Variants in ARHGEF18 observed in about 807,000 individuals in gnomAD.
ARHGEF18 encodes rho guanine nucleotide exchange factor 18.
ARHGEF18 carries 93 observed loss-of-function variants against 155.7 expected under a neutral mutation model. That is an observed-to-expected ratio of 0.60 (90% confidence interval 0.50 to 0.71). The LOEUF (loss-of-function observed/expected upper bound fraction) is 0.71. Among genes scored for constraint, ARHGEF18 ranks in the 30% least tolerant of loss-of-function variants. ARHGEF18 has a pLI of 0.00. For missense variants in ARHGEF18, 1,593 were observed against 1,816.1 expected (o/e 0.88, Z 2.23); for synonymous variants, 742 against 753.1 (o/e 0.99, Z 0.24).
Position 7,379,125 on chromosome 19 carries a change from G to A in ARHGEF18, c.603G>A (p.Leu201=). The change falls in exon 7 of 29, where the codon CTG becomes CTA. Residue 201 remains leucine, a synonymous_variant. Coordinates refer to ENST00000668164, the MANE Select transcript of ARHGEF18 (RefSeq NM_001367823.1). ...EKDHVEPDHV[L]IVQQVLQELR... ...AATCCCACCTCCACCCCCACAGGCT[G>A]ATTGTCCAGCAGGTGCTTCAAGAAC... 1 of 1,232,488 alleles carries A rather than the reference G, an allele frequency of 8.1e-7. No individual in the cohort carries two copies. Among genetic ancestry groups the A allele is most frequent in the Non-Finnish European group, 1.0e-6 (1 of 988,248 alleles). 76.3% of individuals were successfully genotyped at this position (1,232,488 alleles called of 1,614,324 possible). A position where few individuals can be genotyped will look rare whatever the true frequency, so the allele number is the denominator to read the frequency against.
rs534317514 is a variant in ARHGEF18, at chr19:7,469,097, C to T, written c.3753C>T (p.Gly1251=). ...ASTKGGKDKG[G]KSRGSQRWES... ...CCAAGGGTGGCAAGGACAAGGGCGG[C>T]AAGAGCAGGGGCTCTCAGCGCTGGG... is the stretch of plus-strand genomic sequence containing the variant. Residue 1251 remains glycine (G), a synonymous_variant, in exon 27 of 29, where the codon GGC becomes GGT. Transcript: ENST00000668164. 6.2e-7 allele frequency: 1 copy of T among 1,608,144 alleles called. No individual in the cohort carries two copies. The highest frequency in any genetic ancestry group is 1.7e-5 in the Admixed American group (1 of 59,492).
chr19:7,392,399 C>G (rs1458297555), intron 10 of ARHGEF18, among the ~76,000 whole-genome samples: 1 of 151,418 alleles, frequency 6.6e-6, no homozygotes, highest in Non-Finnish European at 1.5e-5. Flanking sequence ...ACCAAGATAG[C>G]TATAGAAATA....
chr19:7,390,265 G>A (rs1401554901), intron 10 of ARHGEF18, among the ~76,000 whole-genome samples: 1 of 152,094 alleles, frequency 6.6e-6, no homozygotes, highest in African/African-American at 2.4e-5. Context: ...CCAGCACTTT[G>A]GGAGACCAAG....
chr19:7,415,071 C>T (rs1220272906), intron 10 of ARHGEF18, among the ~76,000 whole-genome samples: 1 of 152,078 alleles, frequency 6.6e-6, no homozygotes, highest in African/African-American at 2.4e-5. Context: ...GTTCTCCCCT[C>T]CCCCAAAATA....
chr19:7,387,354 G>A (rs1474115464), intron 10 of ARHGEF18, among the ~76,000 whole-genome samples: 2 of 151,774 alleles, frequency 1.3e-5, no homozygotes, highest in Non-Finnish European at 2.9e-5. Context: ...GGGTTTCACC[G>A]TGTTAACCAG....
chr19:7,474,752 G>GGT (rs1555733246), downstream of ARHGEF18, among the ~76,000 whole-genome samples: 1 of 103,110 alleles, frequency 9.7e-6, no homozygotes, highest in African/African-American at 6.4e-5. Flanking sequence ...GGTGGGCATT[G>GGT]GAGTGTGTGT....
At chr19:7,367,336 G>A (rs1400614987) in intron 2 of ARHGEF18, among the ~76,000 whole-genome samples, 1 of 152,112 alleles carries the variant, frequency 6.6e-6, no homozygotes, top group Non-Finnish European at 1.5e-5. Context: ...AGGCACGGTG[G>A]CTCATGTCTG....
chr19:7,367,638 C>T lies in ARHGEF18; in HGVS notation c.15+4733C>T, dbSNP rs892419910. On this transcript the variant is annotated intron_variant, in intron 2 of 28. Coordinates refer to ENST00000668164, the MANE Select transcript of ARHGEF18 (RefSeq NM_001367823.1). Reference sequence around the variant, plus strand: ...GTGGACACCTGTAATCCCAGCTACTCGGGAGACTGAGGCAGGAGACTCACT... The same window carrying T: ...GTGGACACCTGTAATCCCAGCTACTTGGGAGACTGAGGCAGGAGACTCACT... Among the ~76,000 whole-genome samples, 18 of 149,390 alleles carry T rather than the reference C, an allele frequency of 1.2e-4. No homozygotes were observed. In the East Asian group the frequency reaches 1.8e-3, roughly 15 times the overall value.
At chr19:7,423,691 C>G (rs1394517132) in intron 10 of ARHGEF18, among the ~76,000 whole-genome samples, 3 of 144,524 alleles carry the variant, frequency 2.1e-5, no homozygotes, top group Non-Finnish European at 4.5e-5. Context: ...GGTGACAGGG[C>G]GAGAGACTCT....
intron 23 of ARHGEF18, among the ~76,000 whole-genome samples, chr19:7,465,265 G>A (rs1976541624): frequency 6.6e-6 from 1 of 152,176 alleles, no homozygotes; most frequent in Admixed American, 6.5e-5. Flanking sequence ...GACCAGCAGG[G>A]CCTGTGTTCC....
chr19:7,352,832 C>CCCTAGG (rs1969191141), intron 1 of ARHGEF18, among the ~76,000 whole-genome samples: 2 of 49,884 alleles, frequency 4.0e-5, no homozygotes. Context: ...CGTGCCTGGC[C>CCCTAGG]TTTTTTTTTT....
At chr19:7,413,211 C>G (rs879903854) in intron 10 of ARHGEF18, among the ~76,000 whole-genome samples, 3 of 151,614 alleles carry the variant, frequency 2.0e-5, no homozygotes, top group African/African-American at 7.3e-5. Context: ...GCAGGAGGAT[C>G]GATTGAGCCC....
chr19:7,351,613 G>A (rs1969158499), intron 1 of ARHGEF18, among the ~76,000 whole-genome samples: 1 of 151,374 alleles, frequency 6.6e-6, no homozygotes, highest in Non-Finnish European at 1.5e-5. Flanking sequence ...ATGACCCACT[G>A]TGCCCAGCTA....
the ARHGEF18 span, among the ~76,000 whole-genome samples, chr19:7,478,040 G>T: frequency 2.0e-5 from 3 of 152,312 alleles, no homozygotes; most frequent in Non-Finnish European, 2.9e-5. Flanking sequence ...AAAAGAAAAA[G>T]CAACAGTAAC....
At chr19:7,393,022 T>G (rs990802105) in intron 10 of ARHGEF18, among the ~76,000 whole-genome samples, 13 of 114,006 alleles carry the variant, frequency 1.1e-4, no homozygotes, top group Admixed American at 1.4e-4. Context: ...ACTTCCAGCC[T>G]AAGTGACAGA....
chr19:7,350,738 G>A (rs1969132481), intron 1 of ARHGEF18, among the ~76,000 whole-genome samples: 2 of 151,042 alleles, frequency 1.3e-5, no homozygotes, highest in Non-Finnish European at 2.9e-5. Context: ...TTGCTCATCT[G>A]TTAAAAGGCT....
At chr19:7,442,967 G>A (rs898496238) in intron 13 of ARHGEF18, among the ~76,000 whole-genome samples, 2 of 151,690 alleles carry the variant, frequency 1.3e-5, no homozygotes, top group Non-Finnish European at 2.9e-5. Flanking sequence ...TCAGCTCCCT[G>A]CAACCTCCAC....
At chr19:7,418,790 A>G (rs1415118555) in intron 10 of ARHGEF18, among the ~76,000 whole-genome samples, 1 of 151,738 alleles carries the variant, frequency 6.6e-6, no homozygotes, top group African/African-American at 2.4e-5. Flanking sequence ...TTCAAGGGGG[A>G]GAGAGGGAGG....
intron 10 of ARHGEF18, among the ~76,000 whole-genome samples, chr19:7,430,068 C>T (rs1356741339): frequency 1.3e-5 from 2 of 151,982 alleles, no homozygotes; most frequent in African/African-American, 2.4e-5. Flanking sequence ...CACCCAGTTT[C>T]CCCGCACATT....
Sources: gnomAD v4.1 joint callset for allele counts (sites outside exome capture counted in the v4.1 genomes callset) on GRCh38, gnomAD v4.1.1 for gene constraint, MANE v1.5 for transcripts, NCBI Gene and HGNC (gene_info 2026-07-23, HGNC 2026-07-21) for gene names.